Variants in CDH8 observed in about 807,000 individuals in gnomAD.
The protein encoded by CDH8 is cadherin-8.
In CDH8, 17 loss-of-function variants were observed where a neutral mutation model predicts 68.1. The observed-to-expected ratio is 0.25, with a 90% CI of 0.17 to 0.37. CDH8 has a LOEUF of 0.37. Among genes scored for constraint, CDH8 ranks in the 10% least tolerant of loss-of-function variants. CDH8 has a pLI of 1.00. For synonymous variants in CDH8, 372 were observed against 365.1 expected (o/e 1.02, Z -0.21); for missense variants, 763 against 999.3 (o/e 0.76, Z 3.19).
chr16:61,719,329 C>T (rs1387255254), intron 9 of CDH8, among the ~76,000 whole-genome samples: 1 of 151,120 alleles, frequency 6.6e-6, no homozygotes, highest in Non-Finnish European at 1.5e-5. Flanking sequence ...CATTGTAGAA[C>T]TTCCAACATT....
At chr16:61,920,941 C>A (rs1290196247) in intron 2 of CDH8, among the ~76,000 whole-genome samples, 1 of 147,974 alleles carries the variant, frequency 6.8e-6, no homozygotes, top group East Asian at 2.0e-4. Context: ...ATGATGACTT[C>A]ATGTCCTTTG....
rs557904649 is a variant in CDH8, at chr16:61,826,163, T to C, written c.668-984A>G. Among the ~76,000 whole-genome samples, 173 of 151,988 alleles carry C rather than the reference T, an allele frequency of 1.1e-3. No individual in the cohort carries two copies. In the Middle Eastern group the frequency reaches 0.014, roughly 12 times the overall value. On this transcript the variant is annotated intron_variant, in intron 4 of 11. Transcript: ENST00000577390. ...AGACATGATCATGATGTAGGCAGCA[T>C]TCTGAGACTTTCTTTTTCTCACAGG...
At chr16:61,800,499 C>A (rs1458174590) in intron 7 of CDH8, among the ~76,000 whole-genome samples, 1 of 152,174 alleles carries the variant, frequency 6.6e-6, no homozygotes, top group Non-Finnish European at 1.5e-5. Context: ...GCATTTAGGT[C>A]TTTTCCTGTG....
At chr16:61,782,673 A>C (rs1463806493) in intron 8 of CDH8, among the ~76,000 whole-genome samples, 2 of 152,272 alleles carry the variant, frequency 1.3e-5, no homozygotes, top group East Asian at 3.9e-4. Flanking sequence ...TAACCTCTGC[A>C]GACTTAAATG....
intron 4 of CDH8, among the ~76,000 whole-genome samples, chr16:61,837,135 CCCTCCT>C (rs149615615): frequency 1.3e-5 from 2 of 151,598 alleles, no homozygotes; most frequent in African/African-American, 4.8e-5. Flanking sequence ...AATAGAATTT[CCCTCCT>C]CCTCCTCCTC....
At chr16:61,688,932 T>C (rs1185080751) in intron 10 of CDH8, among the ~76,000 whole-genome samples, 1 of 152,014 alleles carries the variant, frequency 6.6e-6, no homozygotes, top group Admixed American at 6.6e-5. Context: ...GTTTGCTCAG[T>C]GAAAGGATTA....
At chr16:61,695,560 G>C (rs1266728374) in intron 10 of CDH8, among the ~76,000 whole-genome samples, 1 of 152,078 alleles carries the variant, frequency 6.6e-6, no homozygotes, top group Non-Finnish European at 1.5e-5. Context: ...ATGTTTACCT[G>C]GTCTCTAATC....
At chr16:61,845,852 A>C (rs561977061) in intron 4 of CDH8, among the ~76,000 whole-genome samples, 2 of 152,234 alleles carry the variant, frequency 1.3e-5, no homozygotes, top group African/African-American at 4.8e-5. Flanking sequence ...CCAGACCCAT[A>C]GGAGTTTGAA....
chr16:62,020,705 A>C (rs1902053112), intron 2 of CDH8, among the ~76,000 whole-genome samples: 1 of 152,172 alleles, frequency 6.6e-6, no homozygotes, highest in Non-Finnish European at 1.5e-5. Flanking sequence ...AAAAAAGATA[A>C]ATATCCACCT....
At chr16:61,942,262 G>A (rs1964736833) in intron 2 of CDH8, among the ~76,000 whole-genome samples, 2 of 152,124 alleles carry the variant, frequency 1.3e-5, no homozygotes, top group African/African-American at 4.8e-5. Context: ...GGAGATCAAG[G>A]TGAAAGGATC....
chr16:61,852,321 G>A (rs1203020893), intron 4 of CDH8, among the ~76,000 whole-genome samples: 2 of 152,060 alleles, frequency 1.3e-5, no homozygotes, highest in African/African-American at 2.4e-5. Flanking sequence ...CTAAAAGACT[G>A]TATATACACA....
rs1019934067 is a variant in CDH8, at chr16:61,652,686, T to A, written c.*922A>T. ...ATTATTAATGGATATAATTTAGTTT[T>A]TTCCCATATATCCCCTTAATCTATA... On this transcript the variant is annotated 3_prime_UTR_variant, in exon 12 of 12. Coordinates refer to ENST00000577390, the MANE Select transcript of CDH8 (RefSeq NM_001796.5). 6.5e-6 allele frequency: 8 copies of A among 1,229,104 alleles called. No individual in the cohort carries two copies. In the African/African-American group the frequency reaches 1.2e-4, roughly 19 times the overall value. 76.1% of individuals were successfully genotyped at this position (1,229,104 alleles called of 1,614,324 possible). A position where few individuals can be genotyped will look rare whatever the true frequency, so the allele number is the denominator to read the frequency against.
At chr16:61,843,878 A>G (rs951004225) in intron 4 of CDH8, among the ~76,000 whole-genome samples, 2 of 152,020 alleles carry the variant, frequency 1.3e-5, no homozygotes, top group Non-Finnish European at 2.9e-5. Context: ...ATTTCTCCAC[A>G]TCCTCTCCAG....
intron 8 of CDH8, among the ~76,000 whole-genome samples, chr16:61,748,692 G>T (rs1257721921): frequency 6.6e-6 from 1 of 151,932 alleles, no homozygotes; most frequent in African/African-American, 2.4e-5. Flanking sequence ...GCAATACCAG[G>T]TTATAAGAAT....
At chr16:61,696,453 C>CA in intron 10 of CDH8, among the ~76,000 whole-genome samples, 1 of 152,092 alleles carries the variant, frequency 6.6e-6, no homozygotes, top group Admixed American at 6.5e-5. Flanking sequence ...ACTAAAAAGT[C>CA]AAAAAACAGA....
intron 4 of CDH8, among the ~76,000 whole-genome samples, chr16:61,847,902 CAG>C (rs397942541): frequency 5.1e-5 from 5 of 97,882 alleles, no homozygotes; most frequent in African/African-American, 2.5e-4. Flanking sequence ...CACACACACA[CAG>C]ACAAACACAC....
chr16:61,651,933 T>C lies in CDH8; in HGVS notation c.*1675A>G, dbSNP rs1963331607. 1 of 262,910 alleles carries C rather than the reference T, an allele frequency of 3.8e-6. No homozygotes were observed. 16.3% of individuals were successfully genotyped at this position (262,910 alleles called of 1,614,324 possible). A position where few individuals can be genotyped will look rare whatever the true frequency, so the allele number is the denominator to read the frequency against. ...ACCCTTGGGATGATTTGGTTGAGTA[T>C]TCTAGAATTTTAGTTTGAGTTGATG... On this transcript the variant is annotated 3_prime_UTR_variant, in exon 12 of 12. Coordinates refer to ENST00000577390, the MANE Select transcript of CDH8 (RefSeq NM_001796.5).
chr16:61,782,330 A>T (rs1345814582), intron 8 of CDH8, among the ~76,000 whole-genome samples: 1 of 152,176 alleles, frequency 6.6e-6, no homozygotes, highest in Non-Finnish European at 1.5e-5. Context: ...GGGGTGACGG[A>T]CGCACCTGGA....
chr16:61,715,000 G>GT (rs1432476441), intron 9 of CDH8, among the ~76,000 whole-genome samples: 2 of 151,628 alleles, frequency 1.3e-5, no homozygotes, highest in Admixed American at 6.6e-5. Flanking sequence ...CCACTCAAGT[G>GT]TAAGAAGCAC....
Sources: allele counts gnomAD v4.1 joint callset (sites outside exome capture counted in the v4.1 genomes callset), GRCh38; gene constraint gnomAD v4.1.1; transcripts MANE v1.5; gene names NCBI Gene and HGNC (gene_info 2026-07-23, HGNC 2026-07-21).